Variants in CPED1 observed in about 807,000 individuals in gnomAD.
CPED1 encodes the protein cadherin-like and PC-esterase domain-containing protein 1.
A neutral mutation model predicts 128.2 loss-of-function variants in CPED1; 114 were observed. That is an observed-to-expected ratio of 0.89 (90% confidence interval 0.76 to 1.04). The LOEUF (loss-of-function observed/expected upper bound fraction) is 1.04, where lower values mean the gene tolerates loss of function less well. Among genes scored for constraint, CPED1 ranks in the 50% least tolerant of loss-of-function variants. CPED1 has a pLI of 0.00. For missense variants in CPED1, 1,211 were observed against 1,207.1 expected (o/e 1.00, Z -0.05); for synonymous variants, 462 against 426.7 (o/e 1.08, Z -1.02).
chr7:120,998,027 G>A (rs1796439877), intron 2 of CPED1, among the ~76,000 whole-genome samples: 2 of 152,044 alleles, frequency 1.3e-5, no homozygotes, highest in African/African-American at 2.4e-5. Context: ...CACACAGGGA[G>A]AATGCCATGT....
At chr7:121,100,179 T>C (rs1794815008) in intron 7 of CPED1, 85 bp downstream of exon 7, 1 of 1,168,322 alleles carries the variant, frequency 8.6e-7, no homozygotes, top group Non-Finnish European at 1.2e-6. Flanking sequence ...CCCACCTTTA[T>C]GGTTATCAAA....
At chr7:121,268,628 A>C (rs1792177671) in intron 21 of CPED1, among the ~76,000 whole-genome samples, 1 of 138,862 alleles carries the variant, frequency 7.2e-6, no homozygotes. Context: ...CTACCAGTGC[A>C]TGTGCACACA....
chr7:121,160,270 T>C (rs1796384652), intron 16 of CPED1, among the ~76,000 whole-genome samples: 1 of 152,208 alleles, frequency 6.6e-6, no homozygotes, highest in Non-Finnish European at 1.5e-5. Context: ...AGAATAGTGT[T>C]GATATCCCTG....
intron 3 of CPED1, among the ~76,000 whole-genome samples, chr7:121,039,792 G>A (rs951568515): frequency 3.9e-5 from 6 of 151,952 alleles, no homozygotes; most frequent in Non-Finnish European, 7.4e-5. Flanking sequence ...ATTTCTTAAA[G>A]GATTTATTTC....
At chr7:121,166,529 A>G (rs1796528765) in intron 16 of CPED1, among the ~76,000 whole-genome samples, 1 of 152,206 alleles carries the variant, frequency 6.6e-6, no homozygotes, top group Non-Finnish European at 1.5e-5. Flanking sequence ...CACTCAGGAA[A>G]AAAGGCTATT....
intron 16 of CPED1, among the ~76,000 whole-genome samples, chr7:121,154,736 G>A (rs186501366): frequency 7.9e-5 from 12 of 152,072 alleles, no homozygotes; most frequent in Admixed American, 7.2e-4. Context: ...AGTAGAGACG[G>A]GGTTTCACCA....
intron 3 of CPED1, among the ~76,000 whole-genome samples, chr7:121,041,545 A>G (rs1793052347): frequency 1.3e-5 from 2 of 152,186 alleles, no homozygotes; most frequent in Admixed American, 1.3e-4. Flanking sequence ...GAACGATGCT[A>G]TCTCAGATTT....
intron 17 of CPED1, among the ~76,000 whole-genome samples, chr7:121,240,461 G>A (rs1268412942): frequency 6.6e-6 from 1 of 152,110 alleles, no homozygotes; most frequent in Non-Finnish European, 1.5e-5. Flanking sequence ...CTATTAGAAA[G>A]AAAATTAACA....
chr7:120,998,592 C>T (rs1408119631), intron 2 of CPED1, among the ~76,000 whole-genome samples: 1 of 152,100 alleles, frequency 6.6e-6, no homozygotes, highest in Non-Finnish European at 1.5e-5. Flanking sequence ...TTCACAAAGT[C>T]AGTGAGCAAT....
intron 22 of CPED1, among the ~76,000 whole-genome samples, chr7:121,277,835 G>C (rs1031480927): frequency 6.6e-6 from 1 of 152,138 alleles, no homozygotes; most frequent in Non-Finnish European, 1.5e-5. Flanking sequence ...TTTAAGCAAA[G>C]TCTGGAGAAA....
intron 16 of CPED1, among the ~76,000 whole-genome samples, chr7:121,208,816 A>G (rs1797577999): frequency 6.6e-6 from 1 of 152,064 alleles, no homozygotes; most frequent in Admixed American, 6.6e-5. Context: ...CTGATGCAGC[A>G]TGTAAAATAT....
At chr7:121,207,754 G>T (rs1219894306) in intron 16 of CPED1, among the ~76,000 whole-genome samples, 1 of 151,964 alleles carries the variant, frequency 6.6e-6, no homozygotes, top group African/African-American at 2.4e-5. Context: ...GAGCACAATA[G>T]GTCTGATAAA....
intron 5 of CPED1, among the ~76,000 whole-genome samples, chr7:121,070,185 T>G (rs1244149899): frequency 7.4e-5 from 11 of 148,992 alleles, no homozygotes; most frequent in Non-Finnish European, 1.2e-4. Context: ...ATATAATTAA[T>G]ATATAATTTA....
chr7:121,245,228 A>G (rs1279729914), intron 18 of CPED1, among the ~76,000 whole-genome samples: 1 of 152,236 alleles, frequency 6.6e-6, no homozygotes, highest in Non-Finnish European at 1.5e-5. Context: ...CAGGACAGAA[A>G]GATGGACATC....
chr7:121,222,326 G>C (rs1031704927), intron 16 of CPED1, among the ~76,000 whole-genome samples: 9 of 152,030 alleles, frequency 5.9e-5, no homozygotes, highest in African/African-American at 1.9e-4. Flanking sequence ...TCTCTGTTTT[G>C]GTACCAGTAC....
chr7:120,990,012 A>AC (rs1451207852), intron 2 of CPED1, 142 bp downstream of exon 2: 1 of 926,790 alleles, frequency 1.1e-6, no homozygotes, highest in Non-Finnish European at 1.6e-6. Context: ...TGACCTGATG[A>AC]CTGGGAAACA....
At chr7:121,028,958 G>A (rs1792664212) in intron 3 of CPED1, among the ~76,000 whole-genome samples, 1 of 151,956 alleles carries the variant, frequency 6.6e-6, no homozygotes, top group South Asian at 2.1e-4. Context: ...TAGTTTAATA[G>A]CTAATAATAA....
chr7:121,207,242 A>G (rs1194810199), intron 16 of CPED1, among the ~76,000 whole-genome samples: 4 of 152,016 alleles, frequency 2.6e-5, no homozygotes, highest in African/African-American at 9.7e-5. Context: ...TCTTGTACTC[A>G]TTTCTATAGT....
At chr7:121,236,852 C>A in intron 17 of CPED1, 21 bp downstream of exon 17, 1 of 1,275,932 alleles carries the variant, frequency 7.8e-7, no homozygotes, top group Non-Finnish European at 1.1e-6. Context: ...CATTGGATAT[C>A]ACTTCTCTAA....
Sources: gnomAD v4.1 joint callset for allele counts (sites outside exome capture counted in the v4.1 genomes callset) on GRCh38, gnomAD v4.1.1 for gene constraint, MANE v1.5 for transcripts, NCBI Gene and HGNC (gene_info 2026-07-23, HGNC 2026-07-21) for gene names.